The following CIMIP5 variants were observed in gnomAD, a reference collection of about 807,000 sequenced individuals.
CIMIP5 encodes ciliary microtubule inner protein 5.
At chr2:11,140,331 C>T in the CIMIP5 span, among the ~76,000 whole-genome samples, 1 of 144,416 alleles carries the variant, frequency 6.9e-6, no homozygotes, top group African/African-American at 2.6e-5. Flanking sequence ...GCCAAGATTG[C>T]GCCACGGCAC....
At chr2:11,153,439 T>C in the CIMIP5 span, among the ~76,000 whole-genome samples, 1 of 152,180 alleles carries the variant, frequency 6.6e-6, no homozygotes, top group African/African-American at 2.4e-5. Flanking sequence ...GCCCAGATCC[T>C]GGCCAACCCC....
the CIMIP5 span, among the ~76,000 whole-genome samples, chr2:11,153,781 G>A: frequency 1.3e-5 from 2 of 151,946 alleles, no homozygotes; most frequent in Non-Finnish European, 2.9e-5. Context: ...AAAATTAGCC[G>A]GGAGTGGTGG....
chr2:11,152,794 A>G, the CIMIP5 span, among the ~76,000 whole-genome samples: 1 of 152,096 alleles, frequency 6.6e-6, no homozygotes, highest in Non-Finnish European at 1.5e-5. Context: ...AAGAGCTGGC[A>G]TGCTCTTGAG....
At chr2:11,143,228 C>T in the CIMIP5 span, among the ~76,000 whole-genome samples, 2 of 151,982 alleles carry the variant, frequency 1.3e-5, no homozygotes, top group African/African-American at 4.8e-5. Flanking sequence ...CATGGAGTAA[C>T]GTACAGCACT....
At chr2:11,150,822 A>T in the CIMIP5 span, among the ~76,000 whole-genome samples, 3 of 151,706 alleles carry the variant, frequency 2.0e-5, no homozygotes, top group African/African-American at 7.3e-5. Flanking sequence ...CCACAAGGAA[A>T]TTCCTTGTGG....
chr2:11,150,364 G>A, the CIMIP5 span, among the ~76,000 whole-genome samples: 6 of 150,156 alleles, frequency 4.0e-5, no homozygotes, highest in Non-Finnish European at 5.9e-5. Context: ...ATGGAGTCTC[G>A]CTCTATCACC....
the CIMIP5 span, among the ~76,000 whole-genome samples, chr2:11,148,145 C>T: frequency 4.0e-5 from 6 of 148,746 alleles, no homozygotes; most frequent in African/African-American, 1.3e-4. Flanking sequence ...GATGGAGTTT[C>T]GCCAGCTTGT....
At chr2:11,145,963 C>T in the CIMIP5 span, 8 of 152,204 alleles carry the variant, frequency 5.3e-5, no homozygotes, top group Admixed American at 1.3e-4. Context: ...GCAGGGATTT[C>T]GTATTCATTT....
the CIMIP5 span, among the ~76,000 whole-genome samples, chr2:11,139,537 A>G: frequency 0.17 from 26,481 of 152,126 alleles, 6,694 homozygotes; most frequent in African/African-American, 0.56. Context: ...GCCTTCCTCT[A>G]TCACTCACAT....
the CIMIP5 span, among the ~76,000 whole-genome samples, chr2:11,148,837 C>T: frequency 6.8e-6 from 1 of 147,206 alleles, no homozygotes; most frequent in African/African-American, 2.6e-5. Context: ...TGGGTTCAAG[C>T]GATTCTCCTG....
chr2:11,133,240 A>G, the CIMIP5 span: 1 of 1,421,028 alleles, frequency 7.0e-7, no homozygotes, highest in Non-Finnish European at 9.2e-7. Context: ...TAGGAGGGAC[A>G]GAGTGTTCCA....
the CIMIP5 span, among the ~76,000 whole-genome samples, chr2:11,153,935 A>G: frequency 2.6e-5 from 4 of 151,890 alleles, no homozygotes; most frequent in Non-Finnish European, 5.9e-5. Context: ...AAAAAAAAAA[A>G]AAAGCTCTTC....
chr2:11,137,939 G>A, the CIMIP5 span, among the ~76,000 whole-genome samples: 5 of 152,152 alleles, frequency 3.3e-5, no homozygotes, highest in Admixed American at 6.5e-5. Flanking sequence ...TCCGCCTCCC[G>A]GGTTCACGCC....
the CIMIP5 span, among the ~76,000 whole-genome samples, chr2:11,153,471 A>G: frequency 6.6e-6 from 1 of 152,226 alleles, no homozygotes; most frequent in African/African-American, 2.4e-5. Flanking sequence ...CTGGGGCAGA[A>G]GGGGAAGAGG....
At chr2:11,154,224 C>T in the CIMIP5 span, among the ~76,000 whole-genome samples, 1 of 152,208 alleles carries the variant, frequency 6.6e-6, no homozygotes, top group Non-Finnish European at 1.5e-5. Flanking sequence ...GCAATCTTCC[C>T]GCTTCGCGGG....
chr2:11,134,425 C>T, the CIMIP5 span, among the ~76,000 whole-genome samples: 5 of 152,178 alleles, frequency 3.3e-5, no homozygotes, highest in Admixed American at 3.3e-4. Flanking sequence ...CTGATAGATT[C>T]TAGGATGCAT....
the CIMIP5 span, among the ~76,000 whole-genome samples, chr2:11,148,730 CT>C: frequency 4.7e-5 from 3 of 63,858 alleles, no homozygotes; most frequent in Non-Finnish European, 8.0e-5. Flanking sequence ...CTAATGAAAA[CT>C]CTTTTTTTTT....
At chr2:11,141,110 C>A in the CIMIP5 span, among the ~76,000 whole-genome samples, 2 of 149,386 alleles carry the variant, frequency 1.3e-5, no homozygotes, top group African/African-American at 4.9e-5. Context: ...CCACACAGAC[C>A]CCACAACACA....
chr2:11,137,847 C>A, the CIMIP5 span, among the ~76,000 whole-genome samples: 116 of 151,958 alleles, frequency 7.6e-4, no homozygotes, highest in East Asian at 2.9e-3. Flanking sequence ...TATTTTATTT[C>A]TTTCTTTCTT....
Sources: gnomAD v4.1 joint callset for allele counts (sites outside exome capture counted in the v4.1 genomes callset) on GRCh38, gnomAD v4.1.1 for gene constraint, MANE v1.5 for transcripts, NCBI Gene and HGNC (gene_info 2026-07-23, HGNC 2026-07-21) for gene names.